VWA3B: variants seen among roughly 807,000 people sequenced by gnomAD.
The protein encoded by VWA3B is von Willebrand factor A domain-containing protein 3B.
A neutral mutation model predicts 158.3 loss-of-function variants in VWA3B; 138 were observed. That is an observed-to-expected ratio of 0.87 (90% CI 0.76 to 1.00). The LOEUF is 1.00. Among genes scored for constraint, VWA3B ranks in the 50% least tolerant of loss-of-function variants. The pLI, the probability that VWA3B is intolerant of heterozygous loss-of-function variation, is 0.00. For missense variants in VWA3B, 1,555 were observed against 1,565.1 expected, an observed-to-expected ratio of 0.99 and a Z score of 0.11; for synonymous variants, 596 against 587.3, an observed-to-expected ratio of 1.01 and a Z score of -0.21.
chr2:98,219,625 A>C (rs7424548), intron 14 of VWA3B, among the ~76,000 whole-genome samples: 1 of 152,206 alleles, frequency 6.6e-6, no homozygotes, highest in Non-Finnish European at 1.5e-5. Flanking sequence ...CATGAAGAAA[A>C]CCAGACTAAG....
chr2:98,265,457 G>T (rs946941225), intron 21 of VWA3B, among the ~76,000 whole-genome samples: 31 of 152,072 alleles, frequency 2.0e-4, no homozygotes, highest in African/African-American at 6.8e-4. Flanking sequence ...TGGACATTTG[G>T]GTTGGTTCCA....
intron 22 of VWA3B, among the ~76,000 whole-genome samples, chr2:98,285,610 A>G (rs778928968): frequency 6.6e-6 from 1 of 151,758 alleles, no homozygotes; most frequent in Non-Finnish European, 1.5e-5. Flanking sequence ...CCATATCACT[A>G]TCCTATGTCA....
chr2:98,224,212 G>T (rs1425482018), intron 14 of VWA3B, among the ~76,000 whole-genome samples: 1 of 152,004 alleles, frequency 6.6e-6, no homozygotes, highest in Non-Finnish European at 1.5e-5. Context: ...GATTATAAAA[G>T]AAATAATTGG....
In VWA3B at chr2:98,216,982, A is replaced by AC. The variant is rs139373261; in HGVS notation, c.1837-861dup. 1,361 of 1,235,428 alleles carry AC rather than the reference A, an allele frequency of 1.1e-3. 63 individuals are homozygous for AC. Among genetic ancestry groups the AC allele is most frequent in the African/African-American group, 0.01 (630 of 60,764 alleles). 76.5% of individuals were successfully genotyped at this position (1,235,428 alleles called of 1,614,324 possible). A position where few individuals can be genotyped will look rare whatever the true frequency, so the allele number is the denominator to read the frequency against. On this transcript the variant is annotated intron_variant, in intron 13 of 27. Transcript: ENST00000477737. ...GACTGTCATGTGTATCATTGTAAGC[A>AC]CCCGCCCCGCACCCAGTCTCAGGTG...
chr2:98,315,642 A>C (rs1451934224), downstream of VWA3B, among the ~76,000 whole-genome samples: 1 of 152,250 alleles, frequency 6.6e-6, no homozygotes, highest in Non-Finnish European at 1.5e-5. Context: ...TCAATGACAC[A>C]GTCTATTGCC....
chr2:98,182,411 G>T (rs923782512), intron 9 of VWA3B, among the ~76,000 whole-genome samples: 3 of 152,190 alleles, frequency 2.0e-5, no homozygotes, highest in African/African-American at 7.2e-5. Context: ...TCACTGCTGT[G>T]CATTTATGAC....
At chr2:98,220,507 T>C (rs1227366409) in intron 14 of VWA3B, among the ~76,000 whole-genome samples, 1 of 152,176 alleles carries the variant, frequency 6.6e-6, no homozygotes, top group Non-Finnish European at 1.5e-5. Context: ...GGACTCATTG[T>C]CCCATCATTC....
At chr2:98,284,060 C>A (rs1454295737) in intron 22 of VWA3B, among the ~76,000 whole-genome samples, 1 of 152,230 alleles carries the variant, frequency 6.6e-6, no homozygotes, top group Non-Finnish European at 1.5e-5. Flanking sequence ...GTACTGATTG[C>A]CTCAGCAAAT....
At chr2:98,282,507 G>A (rs562043182) in intron 22 of VWA3B, among the ~76,000 whole-genome samples, 2 of 144,224 alleles carry the variant, frequency 1.4e-5, no homozygotes, top group African/African-American at 2.6e-5. Context: ...GTATGATCTC[G>A]GCTCACTGCA....
At chr2:98,175,401 G>T (rs1679928448) in intron 8 of VWA3B, among the ~76,000 whole-genome samples, 1 of 152,202 alleles carries the variant, frequency 6.6e-6, no homozygotes, top group African/African-American at 2.4e-5. Flanking sequence ...TTCTGTAGTT[G>T]AAAAAAGTTC....
chr2:98,102,319 C>T (rs1026345287), intron 2 of VWA3B, among the ~76,000 whole-genome samples: 1 of 152,160 alleles, frequency 6.6e-6, no homozygotes, highest in Non-Finnish European at 1.5e-5. Flanking sequence ...CTTTTCCCCA[C>T]ATTTCCCCCT....
At chr2:98,320,989 T>C in the VWA3B span, among the ~76,000 whole-genome samples, 1 of 152,118 alleles carries the variant, frequency 6.6e-6, no homozygotes, top group African/African-American at 2.4e-5. Flanking sequence ...AAAAATGGTT[T>C]TGTGGACTGG....
At chr2:98,246,090 G>A (rs1311721936) in intron 19 of VWA3B, among the ~76,000 whole-genome samples, 1 of 151,762 alleles carries the variant, frequency 6.6e-6, no homozygotes, top group Non-Finnish European at 1.5e-5. Flanking sequence ...AGTCTTTGGT[G>A]GTTTAATTAC....
At chr2:98,093,788 C>T (rs372097824) in intron 2 of VWA3B, among the ~76,000 whole-genome samples, 27 of 152,186 alleles carry the variant, frequency 1.8e-4, no homozygotes, top group Middle Eastern at 3.4e-3. Context: ...AACATCTTCC[C>T]GATTCCCACC....
chr2:98,096,492 T>C (rs528490612), intron 2 of VWA3B, among the ~76,000 whole-genome samples: 1 of 152,130 alleles, frequency 6.6e-6, no homozygotes, highest in African/African-American at 2.4e-5. Flanking sequence ...TGGTCTCGAA[T>C]TCCTGACCTC....
chr2:98,255,048 C>T (rs966633261), intron 20 of VWA3B, among the ~76,000 whole-genome samples: 1 of 151,768 alleles, frequency 6.6e-6, no homozygotes, highest in African/African-American at 2.4e-5. Context: ...GAGTCTCGCT[C>T]TGTCACCCAG....
intron 2 of VWA3B, among the ~76,000 whole-genome samples, chr2:98,094,700 A>G (rs1294679537): frequency 6.6e-6 from 1 of 152,146 alleles, no homozygotes; most frequent in African/African-American, 2.4e-5. Context: ...ATCATCACCC[A>G]GATCGATGTC....
chr2:98,311,352 T>C (rs564166280), intron 26 of VWA3B, among the ~76,000 whole-genome samples: 1 of 152,354 alleles, frequency 6.6e-6, no homozygotes, highest in East Asian at 1.9e-4. Context: ...TTACAAATCA[T>C]ACCATTTTGG....
intron 6 of VWA3B, among the ~76,000 whole-genome samples, chr2:98,132,122 A>G (rs180965521): frequency 6.6e-6 from 1 of 152,324 alleles, no homozygotes; most frequent in Non-Finnish European, 1.5e-5. Flanking sequence ...AGCCCAGGGA[A>G]TAATTTCCTG....
Sources: gnomAD v4.1 joint callset for allele counts (sites outside exome capture counted in the v4.1 genomes callset) on GRCh38, gnomAD v4.1.1 for gene constraint, MANE v1.5 for transcripts, NCBI Gene and HGNC (gene_info 2026-07-23, HGNC 2026-07-21) for gene names.